TTC27: variants seen among roughly 807,000 people sequenced by gnomAD.
TTC27 encodes the protein tetratricopeptide repeat protein 27.
In TTC27, 79 loss-of-function variants were observed where a neutral mutation model predicts 115.9. The ratio of observed to expected loss-of-function variants is 0.68; its 90% confidence interval spans 0.57 to 0.82. The LOEUF (loss-of-function observed/expected upper bound fraction) is 0.82, where lower values mean the gene tolerates loss of function less well. Among genes scored for constraint, TTC27 ranks in the 40% least tolerant of loss-of-function variants. TTC27 has a pLI of 0.00. For missense variants in TTC27, 1,054 were observed against 993.1 expected (o/e 1.06, Z -0.82); for synonymous variants, 401 against 356.0 (o/e 1.13, Z -1.42).
chr2:32,761,956 C>T (rs1442161038), intron 13 of TTC27, among the ~76,000 whole-genome samples: 1 of 152,128 alleles, frequency 6.6e-6, no homozygotes, highest in African/African-American at 2.4e-5. Context: ...CTGCCCTGCA[C>T]GTAGCACTGA....
chr2:32,670,497 T>C (rs1665972593), intron 7 of TTC27, among the ~76,000 whole-genome samples: 1 of 152,192 alleles, frequency 6.6e-6, no homozygotes, highest in Non-Finnish European at 1.5e-5. Flanking sequence ...GATTCATCCA[T>C]GTTGAAATAC....
rs769999149 is a variant in TTC27, at chr2:32,786,991, G to C, written c.1840G>C (p.Ala614Pro). 3.1e-6 allele frequency: 5 copies of C among 1,607,726 alleles called. No individual in the cohort carries two copies. The highest frequency in any genetic ancestry group is 1.3e-5 in the African/African-American group (1 of 74,438). ...AAATTTGACCTTCAATAGAGTAAAA[G>C]CTTTTAGAACTTTACAAGAAGCTCT... ...SYIRLKQKVK[A>P]FRTLQEALKC... is the part of the protein sequence containing the mutation. The change falls in exon 16 of 20, where the codon GCT (alanine) becomes CCT (proline). Residue 614 changes from alanine to proline, a missense_variant. By Grantham distance (27) the Ala-to-Pro change is conservative. Transcript: ENST00000317907.
At chr2:32,681,972 G>GTA (rs67099066) in intron 9 of TTC27, among the ~76,000 whole-genome samples, 2 of 74,990 alleles carry the variant, frequency 2.7e-5, no homozygotes, top group Non-Finnish European at 5.9e-5. Flanking sequence ...TTATATATAT[G>GTA]TATATATATG....
rs373676794 is a variant in TTC27, at chr2:32,818,573, C to T, written c.2409+1016C>T. Among the ~76,000 whole-genome samples the T allele has an allele frequency of 3.9e-5, 6 of 152,288 alleles. No homozygotes were observed. The East Asian group carries it at 1.2e-3, about 29-fold the overall frequency. ...TGTAGATTCAGGTCTGGGATGGACC[C>T]AGGAAATCTGTTGAATTTCCTATGT... On this transcript the variant is annotated intron_variant, in intron 19 of 19. Transcript: ENST00000317907.
chr2:32,768,068 A>G (rs894150137), intron 13 of TTC27, among the ~76,000 whole-genome samples: 1 of 152,240 alleles, frequency 6.6e-6, no homozygotes, highest in Non-Finnish European at 1.5e-5. Flanking sequence ...TTAGCATAAA[A>G]TATGACTAAA....
At chr2:32,669,897 A>G (rs148595257) in intron 7 of TTC27, among the ~76,000 whole-genome samples, 3,707 of 103,162 alleles carry the variant, frequency 0.036, 78 homozygotes, top group Middle Eastern at 0.072. Flanking sequence ...AAAAAAAAAA[A>G]AAAAGAAAAG....
At chr2:32,769,398 G>T (rs560597346) in intron 13 of TTC27, among the ~76,000 whole-genome samples, 1 of 152,238 alleles carries the variant, frequency 6.6e-6, no homozygotes, top group Non-Finnish European at 1.5e-5. Context: ...AAGGGTGAGT[G>T]ATAGATGAAG....
rs538369471 is a variant in TTC27, at chr2:32,642,403, C to T, written c.537+1993C>T. Among the ~76,000 whole-genome samples the T allele has an allele frequency of 2.7e-4, 41 of 151,892 alleles. No individual in the cohort carries two copies. The South Asian group carries it at 7.7e-3, about 29-fold the overall frequency. On this transcript the variant is annotated intron_variant, in intron 4 of 19. Transcript: ENST00000317907. ...AGTAGCTGGGATTACAGGCGCCCACCACCACGTTTGGCTAATTTTTTGTAT... is the reference window on the plus strand; with the variant it reads ...AGTAGCTGGGATTACAGGCGCCCACTACCACGTTTGGCTAATTTTTTGTAT...
At chr2:32,684,455 A>T (rs1666561372) in intron 9 of TTC27, among the ~76,000 whole-genome samples, 1 of 152,046 alleles carries the variant, frequency 6.6e-6, no homozygotes, top group South Asian at 2.1e-4. Context: ...AAAAAAAAAA[A>T]AGTTTGTTTA....
chr2:32,744,772 C>T (rs541839684), intron 12 of TTC27, among the ~76,000 whole-genome samples: 34 of 152,200 alleles, frequency 2.2e-4, no homozygotes, highest in East Asian at 1.7e-3. Context: ...CATCCATGGC[C>T]GGGCGTGGTG....
chr2:32,817,472 G>T lies in TTC27; in HGVS notation c.2324G>T (p.Ser775Ile), dbSNP rs988584538. The change falls in exon 19 of 20, where the codon AGT (serine) becomes ATT (isoleucine). Residue 775 changes from serine (S) to isoleucine (I), a missense_variant. Coordinates refer to ENST00000317907, the MANE Select transcript of TTC27 (RefSeq NM_017735.5). The part of the protein sequence containing the change: ...LGLAHVAIKC[S>I]KNKSSSQEAV... Reference sequence around the variant, plus strand: ...TATCTTCCAGTGGCCATAAAATGCAGTAAAAACAAATCCAGTTCCCAAGAA... The same window carrying T: ...TATCTTCCAGTGGCCATAAAATGCATTAAAAACAAATCCAGTTCCCAAGAA... The T allele has an allele frequency of 6.8e-6, 11 of 1,613,854 alleles. No individual in the cohort carries two copies. The highest frequency in any genetic ancestry group is 9.3e-6 in the Non-Finnish European group (11 of 1,179,932).
At chr2:32,697,224 G>T (rs1667019419) in intron 9 of TTC27, among the ~76,000 whole-genome samples, 1 of 151,804 alleles carries the variant, frequency 6.6e-6, no homozygotes, top group African/African-American at 2.4e-5. Context: ...GAAATAGTGG[G>T]TAGCTAGAAT....
intron 10 of TTC27, among the ~76,000 whole-genome samples, chr2:32,718,003 G>C (rs1463955829): frequency 6.6e-6 from 1 of 152,058 alleles, no homozygotes; most frequent in Admixed American, 6.6e-5. Flanking sequence ...GTTTTTATGA[G>C]CATTGTATGA....
intron 10 of TTC27, among the ~76,000 whole-genome samples, chr2:32,723,971 C>CGTTTTTTTTTTTTTTTTTTTTTT (rs1668025864): frequency 1.1e-5 from 1 of 92,436 alleles, no homozygotes; most frequent in Non-Finnish European, 2.2e-5. Context: ...CATACATAAG[C>CGTTTTTTTTTTTTTTTTTTTTTT]TTTTTTTTTT....
rs759291658 is a variant in TTC27 at position 32,702,837 on chromosome 2, A to G, written c.1150A>G (p.Ile384Val). ...GCTTTCACAACCAAAGTTCTGGGCC[A>G]TTCAGACATCAGCCTTGATCCTCCG... ...CLLSQPKFWA[I>V]QTSALILRTK... The change falls in exon 10 of 20, where the codon ATT becomes GTT. Residue 384 changes from isoleucine to valine, a missense_variant. Coordinates refer to ENST00000317907, the MANE Select transcript of TTC27 (RefSeq NM_017735.5). 51 of 1,613,900 alleles carry G rather than the reference A, an allele frequency of 3.2e-5. No individual in the cohort carries two copies. The Admixed American group carries it at 6.5e-4, about 21-fold the overall frequency.
intron 16 of TTC27, among the ~76,000 whole-genome samples, chr2:32,807,813 C>G (rs1671181654): frequency 1.3e-5 from 2 of 151,960 alleles, no homozygotes; most frequent in Admixed American, 1.3e-4. Flanking sequence ...CATTCCTGAT[C>G]CTTTGTAGAT....
intron 12 of TTC27, among the ~76,000 whole-genome samples, chr2:32,745,788 G>A (rs1408119582): frequency 6.6e-6 from 1 of 152,208 alleles, no homozygotes; most frequent in East Asian, 1.9e-4. Flanking sequence ...AGAGTCTCAT[G>A]TTGGTGTCCT....
At chr2:32,659,264 C>T (rs1454129344) in intron 5 of TTC27, among the ~76,000 whole-genome samples, 3 of 152,144 alleles carry the variant, frequency 2.0e-5, no homozygotes, top group African/African-American at 7.2e-5. Context: ...GATGCCCAGC[C>T]CCTCCTTTTC....
intron 19 of TTC27, among the ~76,000 whole-genome samples, chr2:32,819,921 G>C (rs1227387826): frequency 6.6e-6 from 1 of 152,216 alleles, no homozygotes; most frequent in Non-Finnish European, 1.5e-5. Context: ...TGCAAGCACT[G>C]TAATTCTTAG....
Sources: gnomAD v4.1 joint callset for allele counts (sites outside exome capture counted in the v4.1 genomes callset) on GRCh38, gnomAD v4.1.1 for gene constraint, MANE v1.5 for transcripts, NCBI Gene and HGNC (gene_info 2026-07-23, HGNC 2026-07-21) for gene names.